Variants in NUP107 observed in about 807,000 individuals in gnomAD.
NUP107 encodes nuclear pore complex protein Nup107.
NUP107 carries 101 observed loss-of-function variants against 141.0 expected under a neutral mutation model. The ratio of observed to expected loss-of-function variants is 0.72; its 90% CI spans 0.61 to 0.84. NUP107 has a LOEUF of 0.84. Ranked by LOEUF, NUP107 falls within the 40% of genes least tolerant of loss-of-function variation. NUP107 has a pLI of 0.00. For synonymous variants in NUP107, 319 were observed against 363.9 expected (o/e 0.88, Z 1.41); for missense variants, 941 against 1,102.7 (o/e 0.85, Z 2.08).
At chr12:68,737,167 G>A (rs1433661612) in intron 26 of NUP107, among the ~76,000 whole-genome samples, 1 of 152,106 alleles carries the variant, frequency 6.6e-6, no homozygotes, top group Non-Finnish European at 1.5e-5. Context: ...CTTAAATTTT[G>A]AAAAGACTTC....
chr12:68,723,284 C>T (rs1244697304), intron 17 of NUP107, among the ~76,000 whole-genome samples: 2 of 152,060 alleles, frequency 1.3e-5, no homozygotes, highest in South Asian at 2.1e-4. Flanking sequence ...GTGGGAGGAT[C>T]GTGGCTTCAG....
chr12:68,731,063 C>T, intron 20 of NUP107, 47 bp from the exon 21 acceptor site: 1 of 1,335,644 alleles, frequency 7.5e-7, no homozygotes, highest in South Asian at 1.4e-5. Context: ...TTGAAGTATA[C>T]TTTTAATTTT....
chr12:68,700,820 T>C lies in NUP107; in HGVS notation c.647T>C (p.Met216Thr), dbSNP rs750956200. 1 of 1,606,868 alleles carries C rather than the reference T, an allele frequency of 6.2e-7. No homozygotes were observed. The highest frequency in any genetic ancestry group is 8.5e-7 in the Non-Finnish European group (1 of 1,178,202). The change falls in exon 7 of 28, where the codon ATG (methionine) becomes ACG (threonine). Residue 216 changes from methionine to threonine, a missense_variant. Met to Thr is a moderately conservative substitution (Grantham distance 81). Coordinates refer to ENST00000229179, the MANE Select transcript of NUP107 (RefSeq NM_020401.4). Reference sequence around the variant, plus strand: ...ATGCTCTGGCTTCTTCAACAGGAGATGGTCACATGGAGGCTGCTGGCTTCT... The same window carrying C: ...ATGCTCTGGCTTCTTCAACAGGAGACGGTCACATGGAGGCTGCTGGCTTCT... ...ASMLWLLQQEMVTWRLLASLY... is the reference protein window; with the variant it reads ...ASMLWLLQQETVTWRLLASLY...
At chr12:68,696,270 C>T (rs1876048271) in intron 5 of NUP107, among the ~76,000 whole-genome samples, 1 of 151,904 alleles carries the variant, frequency 6.6e-6, no homozygotes, top group African/African-American at 2.4e-5. Flanking sequence ...GAGGCTGAGG[C>T]AGGAGCACCG....
intron 12 of NUP107, among the ~76,000 whole-genome samples, chr12:68,717,097 C>G (rs1031888480): frequency 6.6e-6 from 1 of 152,008 alleles, no homozygotes. Flanking sequence ...GTGGTTTCAC[C>G]GTGTTGCCCA....
At position 68,745,502 on chromosome 12, in the gene NUP107, T is replaced by C. The variant is rs1405613159; in HGVS notation, c.*3040T>C. 1 of 152,220 alleles carries C rather than the reference T, an allele frequency of 6.6e-6. No homozygotes were observed. Among genetic ancestry groups the C allele is most frequent in the Non-Finnish European group, 1.5e-5 (1 of 68,030 alleles). 9.4% of individuals were successfully genotyped at this position (152,220 alleles called of 1,614,324 possible). A position where few individuals can be genotyped will look rare whatever the true frequency, so the allele number is the denominator to read the frequency against. ...CAAGACTGTTACTCAAAGTTCTATC[T>C]CTTAGTCATTGCACCTGACCTGATC... On this transcript the variant is annotated 3_prime_UTR_variant, in exon 28 of 28. Transcript: ENST00000229179.
At chr12:68,689,427 G>A in intron 2 of NUP107, 106 bp from the exon 3 acceptor site, 1 of 676,022 alleles carries the variant, frequency 1.5e-6, no homozygotes, top group Non-Finnish European at 2.5e-6. Context: ...TAAAATACTT[G>A]TTCTTGAAAA....
intron 6 of NUP107, among the ~76,000 whole-genome samples, chr12:68,698,815 T>A (rs1876189287): frequency 6.6e-6 from 1 of 152,126 alleles, no homozygotes; most frequent in Admixed American, 6.5e-5. Flanking sequence ...GAACACAGGA[T>A]TTTTAAGGCA....
In NUP107 at chr12:68,731,635, T is replaced by G. The variant is rs748772643; in HGVS notation, c.1914T>G (p.Thr638=). ...TGGATGTTGCAACAATAACAAAAAC[T>G]GTAGTTGAGAATATTCGAAAGAAAG... The part of the protein sequence containing the change: ...ADLDVATITK[T]VVENIRKKDN... The change falls in exon 22 of 28, where the codon ACT becomes ACG. Residue 638 remains threonine (T), a synonymous_variant. Coordinates refer to ENST00000229179, the MANE Select transcript of NUP107 (RefSeq NM_020401.4). The G allele has an allele frequency of 1.3e-6, 2 of 1,576,408 alleles. No individual in the cohort carries two copies. The highest frequency in any genetic ancestry group is 4.2e-5 in the Admixed American group (2 of 48,176).
At position 68,696,889 on chromosome 12, in the gene NUP107, T is replaced by C. The variant is rs149960020; in HGVS notation, c.519T>C (p.Leu173=). ...LKHSSSTVFD[L]VEEYENICGS... is the part of the protein sequence containing the mutation. ...ACTCTTCGAGTACAGTTTTTGATCT[T>C]GTGGAAGAGTATGAAAACATCTGTG... The change falls in exon 6 of 28, where the codon CTT becomes CTC. Residue 173 remains leucine, a synonymous_variant. Transcript: ENST00000229179. The C allele has an allele frequency of 2.6e-4, 426 of 1,610,172 alleles. No individual in the cohort carries two copies. The African/African-American group carries it at 5.0e-3, about 19-fold the overall frequency.
At chr12:68,695,927 A>G (rs1195352507) in intron 5 of NUP107, among the ~76,000 whole-genome samples, 1 of 151,460 alleles carries the variant, frequency 6.6e-6, no homozygotes, top group Non-Finnish European at 1.5e-5. Flanking sequence ...GGATCACTTG[A>G]ACCTAGGAGT....
rs757999592 is a variant in NUP107, at chr12:68,692,019, TC to T, written c.357del (p.Leu121CysfsTer10). ...GGCAGCTGCATTTTCATCACAGCGTTCCGGGCTGTTCACAAACACAGAGCCC... is the reference window on the plus strand; with the variant it reads ...GGCAGCTGCATTTTCATCACAGCGTTCGGGCTGTTCACAAACACAGAGCCC... Reference protein sequence around the residue: ...NWAAAFSSQRSGLFTNTEPHS... With the variant: ...NWAAAFSSQRXGLFTNTEPHS... On this transcript the variant is annotated frameshift_variant, in exon 5 of 28. Coordinates refer to ENST00000229179, the MANE Select transcript of NUP107 (RefSeq NM_020401.4). LOFTEE classifies it high-confidence loss of function. 8 of 1,612,788 alleles carry T rather than the reference TC, an allele frequency of 5.0e-6. No individual in the cohort carries two copies. Among genetic ancestry groups the T allele is most frequent in the Non-Finnish European group, 5.9e-6 (7 of 1,179,632 alleles).
At chr12:68,732,420 GC>G (rs1174607798) in intron 22 of NUP107, among the ~76,000 whole-genome samples, 1 of 152,250 alleles carries the variant, frequency 6.6e-6, no homozygotes, top group East Asian at 1.9e-4. Context: ...ACGGGTGTGA[GC>G]CAGCATGCCC....
At chr12:68,693,562 G>A (rs954850556) in intron 5 of NUP107, among the ~76,000 whole-genome samples, 6 of 152,104 alleles carry the variant, frequency 3.9e-5, no homozygotes, top group Admixed American at 6.6e-5. Flanking sequence ...TGGCAGGGTT[G>A]GTTTTCTCTG....
chr12:68,712,434 A>G (rs1465681804), intron 10 of NUP107, among the ~76,000 whole-genome samples: 2 of 150,856 alleles, frequency 1.3e-5, no homozygotes, highest in South Asian at 4.2e-4. Flanking sequence ...AAAAAAAAAA[A>G]AAAAAAAAAG....
chr12:68,741,199 G>A (rs570602390), intron 26 of NUP107, among the ~76,000 whole-genome samples: 1 of 152,042 alleles, frequency 6.6e-6, no homozygotes, highest in African/African-American at 2.4e-5. Flanking sequence ...TGTTCACATC[G>A]ATTTTAAGAA....
intron 22 of NUP107, 62 bp from the exon 23 acceptor site, chr12:68,732,575 A>G (rs1877876485): frequency 1.0e-6 from 1 of 958,216 alleles, no homozygotes; most frequent in East Asian, 2.7e-5. Context: ...ACTAATTTGT[A>G]GAATATCTTT....
chr12:68,719,011 C>T (rs1273431675), intron 12 of NUP107, among the ~76,000 whole-genome samples: 1 of 152,124 alleles, frequency 6.6e-6, no homozygotes, highest in Non-Finnish European at 1.5e-5. Flanking sequence ...GCCTCAGCCT[C>T]CCGAGTAGCT....
intron 8 of NUP107, chr12:68,707,210 C>T: frequency 2.5e-6 from 1 of 404,876 alleles, no homozygotes; most frequent in Non-Finnish European, 4.4e-6. Context: ...GAGTTTACTG[C>T]CTGGGGTACC....
Sources: allele counts gnomAD v4.1 joint callset (sites outside exome capture counted in the v4.1 genomes callset), GRCh38; gene constraint gnomAD v4.1.1; transcripts MANE v1.5; gene names NCBI Gene and HGNC (gene_info 2026-07-23, HGNC 2026-07-21).